Variants in OSBPL2 observed in about 807,000 individuals in gnomAD.
The protein encoded by OSBPL2 is oxysterol-binding protein-related protein 2.
OSBPL2 carries 18 observed loss-of-function variants against 58.4 expected under a neutral mutation model. The observed-to-expected ratio is 0.31, with a 90% confidence interval of 0.21 to 0.46. The LOEUF is 0.46. Ranked by LOEUF, OSBPL2 falls within the 20% of genes least tolerant of loss-of-function variation. The probability of loss-of-function intolerance (pLI) is 1.00; values close to 1 mark genes in which losing one functional copy is unlikely to be tolerated. For missense variants in OSBPL2, 461 were observed against 616.5 expected, an observed-to-expected ratio of 0.75 and a Z score of 2.67; for synonymous variants, 221 against 234.1, an observed-to-expected ratio of 0.94 and a Z score of 0.51.
At chr20:62,239,524 C>T (rs1979577520) in intron 1 of OSBPL2, among the ~76,000 whole-genome samples, 1 of 152,208 alleles carries the variant, frequency 6.6e-6, no homozygotes, top group African/African-American at 2.4e-5. Context: ...AGGACAGGCC[C>T]TGGCCTAGCC....
chr20:62,278,471 CTGTTG>C (rs1171200202), intron 6 of OSBPL2: 35 of 151,174 alleles, frequency 2.3e-4, no homozygotes, highest in African/African-American at 9.7e-4. Context: ...GTGTGTGTGT[CTGTTG>C]CCAACATTAG....
chr20:62,260,913 C>A (rs764019794), intron 3 of OSBPL2, among the ~76,000 whole-genome samples: 6 of 152,024 alleles, frequency 3.9e-5, no homozygotes, highest in Non-Finnish European at 7.4e-5. Context: ...TCCCTTGAGC[C>A]CAGAAGTTCG....
chr20:62,246,701 C>G (rs886506446), intron 1 of OSBPL2, among the ~76,000 whole-genome samples: 1 of 152,190 alleles, frequency 6.6e-6, no homozygotes, highest in Non-Finnish European at 1.5e-5. Context: ...AGCTGCGCCC[C>G]TGTCCCTCAG....
chr20:62,267,930 T>C (rs1601174660), intron 4 of OSBPL2, among the ~76,000 whole-genome samples: 2 of 152,244 alleles, frequency 1.3e-5, no homozygotes, highest in Middle Eastern at 3.4e-3. Context: ...TCGCCCAGGC[T>C]AGAGTGCAGT....
In OSBPL2 at chr20:62,251,865, C is replaced by CTTTTTTTT. The variant is rs147891445; in HGVS notation, c.-128-4168_-128-4161dup. ...TCAAGCGTCATTTTAATTGGTATGC[C>CTTTTTTTT]TTTTTTTTTTTTTTTTTTTTTTTTT... On this transcript the variant is annotated intron_variant, in intron 1 of 13. Coordinates refer to ENST00000313733, the MANE Select transcript of OSBPL2 (RefSeq NM_144498.4). Among the ~76,000 whole-genome samples, 77 of 41,772 alleles carry CTTTTTTTT rather than the reference C, an allele frequency of 1.8e-3. 19 individuals carry two copies. The highest frequency in any genetic ancestry group is 5.7e-3 in the African/African-American group (53 of 9,310). The allele number at this position is 41,772 out of a possible 152,430, so 27.4% of individuals were successfully genotyped here. A position where few individuals can be genotyped will look rare whatever the true frequency, so the allele number is the denominator to read the frequency against.
At chr20:62,283,084 C>T (rs1009817602) in intron 9 of OSBPL2, among the ~76,000 whole-genome samples, 8 of 152,156 alleles carry the variant, frequency 5.3e-5, no homozygotes, top group East Asian at 1.9e-4. Context: ...CAGAAATAGG[C>T]GGGGGCGCCG....
intron 1 of OSBPL2, among the ~76,000 whole-genome samples, chr20:62,246,993 G>C (rs1415579086): frequency 1.3e-5 from 2 of 152,228 alleles, no homozygotes; most frequent in Non-Finnish European, 1.5e-5. Flanking sequence ...AAGCATTTGA[G>C]TGGCCAGGTT....
chr20:62,285,750 T>C (rs868141794), intron 10 of OSBPL2: 1 of 152,938 alleles, frequency 6.5e-6, no homozygotes, highest in Non-Finnish European at 1.5e-5. Context: ...AAGTGCTGTT[T>C]CGCGTGCACC....
chr20:62,257,740 A>C (rs1419186677), intron 2 of OSBPL2, among the ~76,000 whole-genome samples: 1 of 145,098 alleles, frequency 6.9e-6, no homozygotes, highest in Non-Finnish European at 1.5e-5. Context: ...TTTGAGCCAG[A>C]GTCTTGCTTT....
chr20:62,280,960 G>A (rs1568848002), intron 7 of OSBPL2, 98 bp from the exon 8 acceptor site: 1 of 884,876 alleles, frequency 1.1e-6, no homozygotes, highest in African/African-American at 1.6e-5. Flanking sequence ...GCGGGTGCCG[G>A]TTGCTGTGAC....
intron 1 of OSBPL2, among the ~76,000 whole-genome samples, chr20:62,250,729 T>C (rs1180429572): frequency 3.3e-5 from 5 of 152,108 alleles, no homozygotes; most frequent in African/African-American, 1.2e-4. Flanking sequence ...AGCACTAGTC[T>C]GGGCAAAATA....
chr20:62,281,363 C>A, intron 8 of OSBPL2, 198 bp downstream of exon 8: 1 of 567,750 alleles, frequency 1.8e-6, no homozygotes, highest in Non-Finnish European at 3.2e-6. Flanking sequence ...TCGTTCAAGA[C>A]CTCGTTTTTC....
Position 62,286,719 on chromosome 20 carries a change from T to G in OSBPL2, c.1125+8T>G. 1 of 1,608,032 alleles carries G rather than the reference T, an allele frequency of 6.2e-7. No homozygotes were observed. On this transcript the variant is annotated splice_region_variant and intron_variant, in intron 11 of 13. Transcript: ENST00000313733. ...CCCCCCAACTCTGCCCAGGTCTGTG[T>G]CCCTCCATGGCCTGACGTCTCTGCC...
At chr20:62,277,932 T>C (rs1253936143) in intron 6 of OSBPL2, among the ~76,000 whole-genome samples, 1 of 152,204 alleles carries the variant, frequency 6.6e-6, no homozygotes, top group East Asian at 1.9e-4. Context: ...AGGGGCCTTG[T>C]AGAAAGACAA....
At chr20:62,276,461 T>C (rs1347736570) in intron 6 of OSBPL2, among the ~76,000 whole-genome samples, 1 of 152,214 alleles carries the variant, frequency 6.6e-6, no homozygotes, top group Admixed American at 6.5e-5. Flanking sequence ...AGCTTCAAAT[T>C]CTAATCTGTT....
chr20:62,291,927 C>T (rs897067034), intron 13 of OSBPL2, 134 bp downstream of exon 13: 178 of 598,776 alleles, frequency 3.0e-4, no homozygotes, highest in Non-Finnish European at 4.4e-4. Context: ...GCGGGGAGTG[C>T]CTTCTCTCAC....
At chr20:62,282,750 C>T (rs559135091) in intron 9 of OSBPL2, among the ~76,000 whole-genome samples, 1 of 152,298 alleles carries the variant, frequency 6.6e-6, no homozygotes, top group Non-Finnish European at 1.5e-5. Context: ...TCTCTTGAGC[C>T]TGGGAGATGG....
At chr20:62,276,969 C>G (rs1982419982) in intron 6 of OSBPL2, among the ~76,000 whole-genome samples, 1 of 152,212 alleles carries the variant, frequency 6.6e-6, no homozygotes, top group African/African-American at 2.4e-5. Context: ...ATAAATCAGG[C>G]CGGGCGTGGT....
At chr20:62,246,223 C>T (rs903076238) in intron 1 of OSBPL2, among the ~76,000 whole-genome samples, 8 of 152,228 alleles carry the variant, frequency 5.3e-5, no homozygotes, top group African/African-American at 7.2e-5. Flanking sequence ...CATGGGGCCC[C>T]GGGACGCTGT....
Sources: gnomAD v4.1 joint callset for allele counts (sites outside exome capture counted in the v4.1 genomes callset) on GRCh38, gnomAD v4.1.1 for gene constraint, MANE v1.5 for transcripts, NCBI Gene and HGNC (gene_info 2026-07-23, HGNC 2026-07-21) for gene names.